The following SUGCT variants were observed in gnomAD, a reference collection of about 807,000 sequenced individuals.
SUGCT encodes succinyl-CoA:glutarate-CoA transferase.
SUGCT carries 41 observed loss-of-function variants against 55.0 expected under a neutral mutation model. The observed-to-expected ratio is 0.74, with a 90% confidence interval of 0.58 to 0.97. SUGCT has a LOEUF of 0.97. SUGCT is among the 50% of genes least tolerant of loss of function. The pLI is 0.00. For missense variants in SUGCT, 568 were observed against 547.8 expected (o/e 1.04, Z -0.37); for synonymous variants, 187 against 200.4 (o/e 0.93, Z 0.56).
At chr7:40,806,717 A>G (rs1380287757) in intron 13 of SUGCT, among the ~76,000 whole-genome samples, 1 of 152,212 alleles carries the variant, frequency 6.6e-6, no homozygotes, top group East Asian at 1.9e-4. Context: ...TTCACAATAT[A>G]TTCAATGTAA....
rs962072611 is a variant in SUGCT, at chr7:40,854,374, C to G, written c.1154-5942C>G. Among the ~76,000 whole-genome samples the G allele has an allele frequency of 4.0e-5, 6 of 151,432 alleles. No homozygotes were observed. In the South Asian group the frequency reaches 1.3e-3, roughly 32 times the overall value. ...TCTTTCCCTATGCTCCTTAGCAGGTCCTTATTGTGTATCAAAATTTTTTTC... is the reference window on the plus strand; with the variant it reads ...TCTTTCCCTATGCTCCTTAGCAGGTGCTTATTGTGTATCAAAATTTTTTTC... On this transcript the variant is annotated intron_variant, in intron 13 of 13. Transcript: ENST00000335693.
intron 7 of SUGCT, among the ~76,000 whole-genome samples, chr7:40,258,070 C>G (rs192078286): frequency 9.6e-4 from 146 of 152,260 alleles, no homozygotes; most frequent in Non-Finnish European, 1.7e-3. Flanking sequence ...GTTCTATAAC[C>G]TATGCCAACA....
chr7:40,522,145 T>C (rs1489438388), intron 12 of SUGCT, among the ~76,000 whole-genome samples: 1 of 152,170 alleles, frequency 6.6e-6, no homozygotes, highest in Admixed American at 6.6e-5. Context: ...ATTTTGTCTA[T>C]GGTTCCAATA....
intron 11 of SUGCT, among the ~76,000 whole-genome samples, chr7:40,487,642 T>C (rs1478841917): frequency 1.3e-5 from 2 of 152,166 alleles, no homozygotes; most frequent in Admixed American, 1.3e-4. Context: ...TTGCCGTTAA[T>C]CTCTCCTTTT....
intron 6 of SUGCT, 40 bp from the exon 7 acceptor site, chr7:40,237,595 C>A (rs757850932): frequency 1.3e-6 from 2 of 1,501,046 alleles, no homozygotes; most frequent in Admixed American, 1.7e-5. Flanking sequence ...TTTTAGCACA[C>A]CCTGTGTGGT....
chr7:40,569,144 G>A (rs749870599), intron 12 of SUGCT, among the ~76,000 whole-genome samples: 2 of 152,176 alleles, frequency 1.3e-5, no homozygotes, highest in Non-Finnish European at 2.9e-5. Flanking sequence ...GGACTTGTAA[G>A]TCAATTGCTT....
chr7:40,139,030 T>C (rs1787838718), intron 1 of SUGCT, among the ~76,000 whole-genome samples: 1 of 151,862 alleles, frequency 6.6e-6, no homozygotes, highest in African/African-American at 2.4e-5. Context: ...TCCTACCACT[T>C]TGGGAGGCTG....
intron 6 of SUGCT, among the ~76,000 whole-genome samples, chr7:40,207,898 A>G (rs568475957): frequency 6.6e-6 from 1 of 152,338 alleles, no homozygotes; most frequent in South Asian, 2.1e-4. Flanking sequence ...TTATTTGTAC[A>G]CGCATTTTCA....
the SUGCT span, among the ~76,000 whole-genome samples, chr7:40,882,539 G>T: frequency 6.6e-6 from 1 of 152,286 alleles, no homozygotes; most frequent in East Asian, 1.9e-4. Flanking sequence ...ATTAACAGAA[G>T]AGGACTATAG....
At chr7:40,675,413 A>G (rs1783922408) in intron 12 of SUGCT, among the ~76,000 whole-genome samples, 4 of 152,180 alleles carry the variant, frequency 2.6e-5, no homozygotes, top group Admixed American at 2.6e-4. Context: ...TATGTTGCCT[A>G]TATGCATATA....
At chr7:40,688,690 G>A (rs933687475) in intron 12 of SUGCT, among the ~76,000 whole-genome samples, 1 of 151,998 alleles carries the variant, frequency 6.6e-6, no homozygotes, top group African/African-American at 2.4e-5. Context: ...ATGAGATTGT[G>A]GTGTAAAAGT....
the SUGCT span, among the ~76,000 whole-genome samples, chr7:40,956,218 G>A: frequency 6.6e-6 from 1 of 152,140 alleles, no homozygotes; most frequent in Non-Finnish European, 1.5e-5. Context: ...AGCTCCTCTT[G>A]TACCTCTGGT....
intron 13 of SUGCT, among the ~76,000 whole-genome samples, chr7:40,850,561 A>G (rs943814386): frequency 2.0e-5 from 3 of 152,134 alleles, no homozygotes; most frequent in Admixed American, 6.5e-5. Flanking sequence ...ACTTATAAAG[A>G]GTGTGGCTTG....
chr7:40,519,115 C>T (rs1793397013), intron 12 of SUGCT, among the ~76,000 whole-genome samples: 1 of 152,024 alleles, frequency 6.6e-6, no homozygotes, highest in African/African-American at 2.4e-5. Flanking sequence ...AAGTCCATAA[C>T]CTCAATCTAA....
At chr7:40,301,159 T>C (rs1794515697) in intron 8 of SUGCT, among the ~76,000 whole-genome samples, 1 of 152,180 alleles carries the variant, frequency 6.6e-6, no homozygotes, top group South Asian at 2.1e-4. Flanking sequence ...GTGTGTCTTT[T>C]ACACTAGACT....
chr7:40,762,970 G>C (rs1788608834), intron 13 of SUGCT, among the ~76,000 whole-genome samples: 1 of 151,900 alleles, frequency 6.6e-6, no homozygotes, highest in Non-Finnish European at 1.5e-5. Flanking sequence ...CCACCGTCAT[G>C]CCCAGCTAAT....
At chr7:40,874,919 C>T in the SUGCT span, among the ~76,000 whole-genome samples, 1 of 152,194 alleles carries the variant, frequency 6.6e-6, no homozygotes, top group Admixed American at 6.5e-5. Flanking sequence ...ATCTGTCTGC[C>T]TGCTCCATGG....
chr7:40,226,256 G>C (rs914964129), intron 6 of SUGCT, among the ~76,000 whole-genome samples: 1 of 152,172 alleles, frequency 6.6e-6, no homozygotes, highest in South Asian at 2.1e-4. Context: ...AAAGCAAAAT[G>C]AGGTAGAACT....
chr7:40,557,945 G>A (rs1325204509), intron 12 of SUGCT, among the ~76,000 whole-genome samples: 2 of 152,034 alleles, frequency 1.3e-5, no homozygotes, highest in Non-Finnish European at 2.9e-5. Flanking sequence ...AATGGTGAAA[G>A]GTCCTGGATA....
Sources: gnomAD v4.1 joint callset for allele counts (sites outside exome capture counted in the v4.1 genomes callset) on GRCh38, gnomAD v4.1.1 for gene constraint, MANE v1.5 for transcripts, NCBI Gene and HGNC (gene_info 2026-07-23, HGNC 2026-07-21) for gene names.